Variants in IP6K1 observed in about 807,000 individuals in gnomAD.
The protein encoded by IP6K1 is inositol hexakisphosphate kinase 1.
A neutral mutation model predicts 38.3 loss-of-function variants in IP6K1; 13 were observed. That is an observed-to-expected ratio of 0.34 (90% confidence interval 0.22 to 0.54). The LOEUF (loss-of-function observed/expected upper bound fraction) is 0.54. Ranked by LOEUF, IP6K1 falls within the 20% of genes least tolerant of loss-of-function variation. IP6K1 has a pLI of 0.92. For missense variants in IP6K1, 397 were observed against 599.8 expected (o/e 0.66, Z 3.53); for synonymous variants, 212 against 229.9 (o/e 0.92, Z 0.70).
intron 1 of IP6K1, among the ~76,000 whole-genome samples, chr3:49,777,578 A>G (rs2081028353): frequency 6.6e-6 from 1 of 151,792 alleles, no homozygotes; most frequent in African/African-American, 2.4e-5. Flanking sequence ...AAAAAGAAAA[A>G]AAGAAAAATT....
intron 1 of IP6K1, among the ~76,000 whole-genome samples, chr3:49,750,656 C>T (rs977358317): frequency 4.6e-5 from 7 of 151,676 alleles, no homozygotes; most frequent in East Asian, 3.9e-4. Flanking sequence ...GCCGAGATTG[C>T]GCCACTGCAC....
At chr3:49,743,975 A>G (rs1575311097) in intron 2 of IP6K1, among the ~76,000 whole-genome samples, 1 of 152,102 alleles carries the variant, frequency 6.6e-6, no homozygotes, top group South Asian at 2.1e-4. Flanking sequence ...ACAATGCGCC[A>G]CAATTATTAC....
intron 3 of IP6K1, among the ~76,000 whole-genome samples, chr3:49,737,458 G>A (rs1159490638): frequency 1.3e-5 from 2 of 152,174 alleles, no homozygotes; most frequent in East Asian, 1.9e-4. Flanking sequence ...AGCCAAGGCA[G>A]GCGAATCGCC....
At chr3:49,749,528 A>T (rs1575314100) in intron 1 of IP6K1, among the ~76,000 whole-genome samples, 1 of 152,342 alleles carries the variant, frequency 6.6e-6, no homozygotes, top group East Asian at 1.9e-4. Context: ...TCCCATATGT[A>T]AGAGACAAAC....
In IP6K1 at chr3:49,736,018, G is replaced by C. The variant is rs527411007; in HGVS notation, c.434+2194C>G. Among the ~76,000 whole-genome samples the C allele has an allele frequency of 2.0e-4, 30 of 152,234 alleles. 1 individual carries two copies. The South Asian group carries it at 5.8e-3, about 29-fold the overall frequency. The stretch of plus-strand genomic sequence containing the variant: ...TGCAACCTCCACCTCCTGGGTTCAA[G>C]TGATTCTCCTGCCTCAGCCTCCCAA... On this transcript the variant is annotated intron_variant, in intron 3 of 5. Coordinates refer to ENST00000321599, the MANE Select transcript of IP6K1 (RefSeq NM_153273.4).
intron 1 of IP6K1, among the ~76,000 whole-genome samples, chr3:49,756,177 T>C (rs1480154786): frequency 6.6e-6 from 1 of 152,118 alleles, no homozygotes; most frequent in African/African-American, 2.4e-5. Flanking sequence ...TCACAGGAGC[T>C]AGGAAACCAT....
At chr3:49,733,545 A>T (rs1399295371) in intron 3 of IP6K1, among the ~76,000 whole-genome samples, 1 of 152,254 alleles carries the variant, frequency 6.6e-6, no homozygotes, top group Admixed American at 6.5e-5. Flanking sequence ...AGAATGTGGG[A>T]TATACATACA....
At chr3:49,772,186 C>A (rs2080965328) in intron 1 of IP6K1, among the ~76,000 whole-genome samples, 1 of 147,354 alleles carries the variant, frequency 6.8e-6, no homozygotes, top group Non-Finnish European at 1.5e-5. Flanking sequence ...GTACTCCAGC[C>A]TGGGTGACAA....
intron 2 of IP6K1, among the ~76,000 whole-genome samples, chr3:49,746,350 T>TA (rs1170146938): frequency 6.7e-6 from 1 of 148,658 alleles, no homozygotes; most frequent in Non-Finnish European, 1.5e-5. Flanking sequence ...GGTATACACT[T>TA]ACAATTAAAT....
At position 49,726,817 on chromosome 3, in the gene IP6K1, C is replaced by T. The variant is rs1182761108; in HGVS notation, c.*305G>A. 6.9e-6 allele frequency: 3 copies of T among 437,790 alleles called. No individual in the cohort carries two copies. Among genetic ancestry groups the T allele is most frequent in the Non-Finnish European group, 8.0e-6 (2 of 249,330 alleles). 27.1% of individuals were successfully genotyped at this position (437,790 alleles called of 1,614,324 possible). On this transcript the variant is annotated 3_prime_UTR_variant, in exon 6 of 6. Coordinates refer to ENST00000321599, the MANE Select transcript of IP6K1 (RefSeq NM_153273.4). Reference sequence around the variant, plus strand: ...TCTCAAAGATCTAGACAAGAGAAACCAATGTCCAAGGGCACCCTGTCCCTG... The same window carrying T: ...TCTCAAAGATCTAGACAAGAGAAACTAATGTCCAAGGGCACCCTGTCCCTG...
intron 1 of IP6K1, among the ~76,000 whole-genome samples, chr3:49,779,963 T>C (rs1325146243): frequency 6.6e-6 from 1 of 152,152 alleles, no homozygotes; most frequent in Non-Finnish European, 1.5e-5. Flanking sequence ...TCTGGAATTA[T>C]GGGCATGAGC....
chr3:49,784,640 G>A (rs951126223), intron 1 of IP6K1, among the ~76,000 whole-genome samples: 4 of 132,078 alleles, frequency 3.0e-5, no homozygotes, highest in African/African-American at 8.6e-5. Context: ...ACGAGACTTC[G>A]TCTCAGAAAA....
intron 1 of IP6K1, among the ~76,000 whole-genome samples, chr3:49,771,093 T>C (rs1167812527): frequency 1.3e-5 from 2 of 149,770 alleles, no homozygotes; most frequent in Admixed American, 1.4e-4. Context: ...CACTCCAGCC[T>C]GGGCAACAGA....
intron 2 of IP6K1, among the ~76,000 whole-genome samples, chr3:49,742,979 G>A (rs1382347816): frequency 1.3e-5 from 2 of 151,938 alleles, no homozygotes. Context: ...CTGTATCCAG[G>A]CACTTTGGGA....
intron 1 of IP6K1, among the ~76,000 whole-genome samples, chr3:49,760,573 G>A (rs962233130): frequency 6.1e-5 from 9 of 147,458 alleles, no homozygotes; most frequent in Non-Finnish European, 1.0e-4. Context: ...GCAGTGAGCC[G>A]AGATAGTGCC....
At chr3:49,768,076 T>C (rs895527704) in intron 1 of IP6K1, among the ~76,000 whole-genome samples, 2 of 150,288 alleles carry the variant, frequency 1.3e-5, no homozygotes, top group Admixed American at 6.6e-5. Context: ...GGCAAGGATA[T>C]GAAGAAATTG....
At chr3:49,784,015 T>C (rs545133447) in intron 1 of IP6K1, among the ~76,000 whole-genome samples, 1 of 151,924 alleles carries the variant, frequency 6.6e-6, no homozygotes, top group East Asian at 1.9e-4. Context: ...ATTTATTATT[T>C]ATTTATTTAT....
intron 4 of IP6K1, among the ~76,000 whole-genome samples, chr3:49,731,063 C>T (rs1048642391): frequency 2.6e-5 from 4 of 150,956 alleles, no homozygotes; most frequent in Admixed American, 2.0e-4. Context: ...AGAGAGATCT[C>T]GTTCACTGGT....
At chr3:49,738,100 C>T in intron 3 of IP6K1, 112 bp downstream of exon 3, 2 of 829,042 alleles carry the variant, frequency 2.4e-6, no homozygotes, top group Non-Finnish European at 3.9e-6. Flanking sequence ...ATCCCAAGAA[C>T]ACCAGTCATC....
Sources: gnomAD v4.1 joint callset for allele counts (sites outside exome capture counted in the v4.1 genomes callset) on GRCh38, gnomAD v4.1.1 for gene constraint, MANE v1.5 for transcripts, NCBI Gene and HGNC (gene_info 2026-07-23, HGNC 2026-07-21) for gene names.